Variants in TRIM24 observed in about 807,000 individuals in gnomAD.
TRIM24 encodes tripartite motif containing 24.
Under a neutral mutation model 123.9 loss-of-function variants are expected in TRIM24, and 29 were observed. That is an observed-to-expected ratio of 0.23 (90% confidence interval 0.17 to 0.32). The LOEUF is 0.32. TRIM24 is among the 10% of genes least tolerant of loss of function. The pLI is 1.00. For missense variants in TRIM24, 932 were observed against 1,295.3 expected (o/e 0.72, Z 4.31); for synonymous variants, 456 against 461.1 (o/e 0.99, Z 0.14).
At chr7:138,532,756 A>G (rs1305280759) in intron 6 of TRIM24, among the ~76,000 whole-genome samples, 1 of 152,174 alleles carries the variant, frequency 6.6e-6, no homozygotes, top group Non-Finnish European at 1.5e-5. Flanking sequence ...GAAGAAAGTC[A>G]TTGGTAGCTC....
chr7:138,566,491 A>AAAACAAAC (rs746897853), intron 9 of TRIM24, among the ~76,000 whole-genome samples: 1 of 152,058 alleles, frequency 6.6e-6, no homozygotes, highest in Non-Finnish European at 1.5e-5. Flanking sequence ...TCCATCTCAA[A>AAAACAAAC]AAACAAACAA....
rs935555081 is a variant in TRIM24 at position 138,472,166 on chromosome 7, G to C, written c.364+11254G>C. 2.0e-4 allele frequency among the ~76,000 whole-genome samples: 31 copies of C among 151,992 alleles called. 1 individual carries two copies. The highest frequency in any genetic ancestry group is 1.5e-5 in the Non-Finnish European group (1 of 67,966). On this transcript the variant is annotated intron_variant, in intron 1 of 18. Coordinates refer to ENST00000343526, the MANE Select transcript of TRIM24 (RefSeq NM_015905.3). ...CTGAAGTGGGGAGGAATGGGATAAG[G>C]TAATACTTAAGGGGAGAAAAAAAAT... is the stretch of plus-strand genomic sequence containing the variant.
rs1584753975 is a variant in TRIM24, at chr7:138,586,690, C to A, written c.*1739C>A. Reference sequence around the variant, plus strand: ...ACAGATTTTGATAACAGTGCATACACCTTTTGTCTTTTTTTGCTCCAGCAT... The same window carrying A: ...ACAGATTTTGATAACAGTGCATACAACTTTTGTCTTTTTTTGCTCCAGCAT... On this transcript the variant is annotated 3_prime_UTR_variant, in exon 19 of 19. Transcript: ENST00000343526. 1 of 152,220 alleles carries A rather than the reference C, an allele frequency of 6.6e-6. No homozygotes were observed. Among genetic ancestry groups the A allele is most frequent in the East Asian group, 1.9e-4 (1 of 5,202 alleles). 9.4% of individuals were successfully genotyped at this position (152,220 alleles called of 1,614,324 possible).
At chr7:138,531,020 C>G (rs6950131) in intron 6 of TRIM24, among the ~76,000 whole-genome samples, 8,374 of 152,086 alleles carry the variant, frequency 0.055, 757 homozygotes, top group African/African-American at 0.19. Flanking sequence ...GTGGTATAGC[C>G]TTGGCTCACT....
At chr7:138,578,263 G>A (rs573760704) in intron 14 of TRIM24, among the ~76,000 whole-genome samples, 2 of 151,956 alleles carry the variant, frequency 1.3e-5, no homozygotes, top group African/African-American at 4.8e-5. Flanking sequence ...GGTCTGCAGT[G>A]AACAATATTT....
At chr7:138,464,186 C>G (rs992386903) in intron 1 of TRIM24, among the ~76,000 whole-genome samples, 1 of 151,056 alleles carries the variant, frequency 6.6e-6, no homozygotes, top group Non-Finnish European at 1.5e-5. Flanking sequence ...TTAGTAGAGA[C>G]GGGGTTTCAC....
chr7:138,463,276 C>T (rs1795053388), intron 1 of TRIM24, among the ~76,000 whole-genome samples: 1 of 151,476 alleles, frequency 6.6e-6, no homozygotes, highest in African/African-American at 2.4e-5. Flanking sequence ...TACCTTCTTA[C>T]CTTCCTACCT....
chr7:138,561,651 C>T (rs958376186), intron 9 of TRIM24, among the ~76,000 whole-genome samples: 1 of 152,140 alleles, frequency 6.6e-6, no homozygotes, highest in South Asian at 2.1e-4. Flanking sequence ...AATCCAGTTG[C>T]TTGGATAATT....
chr7:138,528,520 C>CT (rs930121331), intron 5 of TRIM24, among the ~76,000 whole-genome samples: 34 of 150,932 alleles, frequency 2.3e-4, no homozygotes, highest in Admixed American at 1.2e-3. Flanking sequence ...TTTTATTTTT[C>CT]TTTTTTTTTC....
intron 1 of TRIM24, among the ~76,000 whole-genome samples, chr7:138,488,612 A>G (rs914226118): frequency 6.6e-6 from 1 of 152,202 alleles, no homozygotes; most frequent in African/African-American, 2.4e-5. Context: ...TGTACCCAGT[A>G]ATCATTTAGG....
intron 6 of TRIM24, among the ~76,000 whole-genome samples, chr7:138,531,393 G>T (rs1453309814): frequency 1.6e-5 from 2 of 128,974 alleles, no homozygotes; most frequent in Admixed American, 1.7e-4. Flanking sequence ...ACAGGCCCCG[G>T]TGTGTGATGC....
intron 4 of TRIM24, among the ~76,000 whole-genome samples, chr7:138,523,906 T>TGA (rs1796557452): frequency 2.0e-5 from 3 of 152,120 alleles, no homozygotes; most frequent in Non-Finnish European, 4.4e-5. Flanking sequence ...CCAGTCTCAC[T>TGA]CATGAAATGA....
At chr7:138,481,786 C>G (rs1795531682) in intron 1 of TRIM24, among the ~76,000 whole-genome samples, 1 of 151,750 alleles carries the variant, frequency 6.6e-6, no homozygotes, top group Admixed American at 6.6e-5. Context: ...GCACTCCAGC[C>G]TGAGTAACAG....
intron 1 of TRIM24, among the ~76,000 whole-genome samples, chr7:138,486,440 G>C (rs1795648943): frequency 6.6e-6 from 1 of 152,086 alleles, no homozygotes; most frequent in Non-Finnish European, 1.5e-5. Flanking sequence ...GTATTGCCTA[G>C]GTTTTCTTCT....
chr7:138,566,345 A>G (rs1283325635), intron 9 of TRIM24, among the ~76,000 whole-genome samples: 1 of 151,966 alleles, frequency 6.6e-6, no homozygotes, highest in East Asian at 1.9e-4. Flanking sequence ...GCAAAACCCC[A>G]TCTCTACTAA....
intron 9 of TRIM24, among the ~76,000 whole-genome samples, chr7:138,557,635 T>G (rs1797341795): frequency 6.6e-6 from 1 of 152,198 alleles, no homozygotes; most frequent in South Asian, 2.1e-4. Context: ...TTTTGGATTT[T>G]TGCAGTTATA....
At chr7:138,510,407 TTTTG>T (rs571956724) in intron 2 of TRIM24, among the ~76,000 whole-genome samples, 39 of 152,168 alleles carry the variant, frequency 2.6e-4, no homozygotes, top group South Asian at 6.2e-4. Flanking sequence ...GTGTGGTTTT[TTTTG>T]TTTGTTTGTT....
At position 138,554,887 on chromosome 7, in the gene TRIM24, T is replaced by A; in HGVS notation, c.1451T>A (p.Val484Glu). 1.2e-6 allele frequency: 2 copies of A among 1,614,104 alleles called. No homozygotes were observed. Among genetic ancestry groups the A allele is most frequent in the Non-Finnish European group, 1.7e-6 (2 of 1,179,998 alleles). ...CAGGTAATGGCTCAGAGGCAACAGG[T>A]GCAACGGAGGCCAGCACCTGTGGGT... ...QQQVMAQRQQ[V>E]QRRPAPVGLP... Residue 484 changes from valine (V) to glutamate (E), a missense_variant, in exon 9 of 19, where the codon GTG becomes GAG. Physicochemically the swap from Val to Glu is moderately radical, Grantham distance 121. This residue lies in a region of TRIM24 where 527 missense variants were observed against 691.3 expected (regional missense o/e 0.76). Transcript: ENST00000343526. The surrounding 1 kb of genome is among the most constrained non-coding windows in gnomAD (Gnocchi z 4.5).
At position 138,579,313 on chromosome 7, in the gene TRIM24, A is replaced by G. The variant is rs765470923; in HGVS notation, c.2366A>G (p.Gln789Arg). 8 of 1,614,078 alleles carry G rather than the reference A, an allele frequency of 5.0e-6. No homozygotes were observed. The highest frequency in any genetic ancestry group is 4.0e-5 in the African/African-American group (3 of 74,938). ...GATGCCCCTGATAGTACAGGAGATC[A>G]ACCTGGACTTCACCAGGACAATTCC... ...RSDAPDSTGD[Q>R]PGLHQDNSSN... Residue 789 changes from glutamine (Q) to arginine (R), a missense_variant, in exon 15 of 19, where the codon CAA becomes CGA. Physicochemically the swap from Gln to Arg is conservative, Grantham distance 43 (BLOSUM62 1). Coordinates refer to ENST00000343526, the MANE Select transcript of TRIM24 (RefSeq NM_015905.3).
Sources: allele counts gnomAD v4.1 joint callset (sites outside exome capture counted in the v4.1 genomes callset), GRCh38; gene constraint gnomAD v4.1.1; regional missense constraint gnomAD v4.1.1; non-coding constraint Gnocchi (gnomAD v3.1); transcripts MANE v1.5; gene names NCBI Gene and HGNC (gene_info 2026-07-23, HGNC 2026-07-21).